KHDRBS3: variants seen among roughly 807,000 people sequenced by gnomAD.
KHDRBS3 encodes the protein KH domain-containing, RNA-binding, signal transduction-associated protein 3.
Under a neutral mutation model 45.6 loss-of-function variants are expected in KHDRBS3, and 23 were observed. The observed-to-expected ratio is 0.50, with a 90% CI of 0.36 to 0.72. The LOEUF (loss-of-function observed/expected upper bound fraction) is 0.72. Among genes scored for constraint, KHDRBS3 ranks in the 30% least tolerant of loss-of-function variants. KHDRBS3 has a pLI of 0.00. For missense variants in KHDRBS3, 352 were observed against 424.8 expected (o/e 0.83, Z 1.51); for synonymous variants, 162 against 156.5 (o/e 1.04, Z -0.26).
chr8:135,548,841 G>T lies in KHDRBS3; in HGVS notation c.412G>T (p.Ala138Ser). 1 of 1,604,622 alleles carries T rather than the reference G, an allele frequency of 6.2e-7. No individual in the cohort carries two copies. The highest frequency in any genetic ancestry group is 8.5e-7 in the Non-Finnish European group (1 of 1,175,152). Residue 138 changes from alanine (A) to serine (S), a missense_variant, in exon 4 of 9, where the codon GCA becomes TCA. By Grantham distance (99) the Ala-to-Ser change is moderately conservative. Coordinates refer to ENST00000355849, the MANE Select transcript of KHDRBS3 (RefSeq NM_006558.3). ...TCTCATTGAAGTGTTTGCCCCACCT[G>T]CAGAAGCTTATGCCAGGATGGGACA... The part of the protein sequence containing the change: ...HVLIEVFAPP[A>S]EAYARMGHAL...
At chr8:135,586,037 C>A (rs888821561) in intron 6 of KHDRBS3, among the ~76,000 whole-genome samples, 2 of 152,014 alleles carry the variant, frequency 1.3e-5, no homozygotes, top group Non-Finnish European at 2.9e-5. Flanking sequence ...TTTGTTAGCT[C>A]CTGAAGGAAA....
chr8:135,557,612 T>A (rs761864910), intron 5 of KHDRBS3, 25 bp downstream of exon 5: 80 of 1,576,760 alleles, frequency 5.1e-5, no homozygotes, highest in Admixed American at 1.4e-4. Flanking sequence ...TTTTTTAGGT[T>A]AACATACCGT....
chr8:135,526,180 T>A (rs1028333670), intron 2 of KHDRBS3, among the ~76,000 whole-genome samples: 11 of 152,046 alleles, frequency 7.2e-5, no homozygotes, highest in Non-Finnish European at 1.6e-4. Context: ...AATGAGGAAA[T>A]CACCTGACAA....
At chr8:135,555,758 A>T (rs1410293338) in intron 4 of KHDRBS3, among the ~76,000 whole-genome samples, 1 of 152,028 alleles carries the variant, frequency 6.6e-6, no homozygotes, top group Non-Finnish European at 1.5e-5. Context: ...TTTTTATTAT[A>T]CTTTAAGTTC....
At chr8:135,640,391 G>C (rs1476968898) in intron 7 of KHDRBS3, among the ~76,000 whole-genome samples, 1 of 152,086 alleles carries the variant, frequency 6.6e-6, no homozygotes, top group Non-Finnish European at 1.5e-5. Context: ...GGGGAAGGTC[G>C]ACTTCATCCC....
At chr8:135,605,144 G>C (rs1300496481) in intron 6 of KHDRBS3, among the ~76,000 whole-genome samples, 1 of 151,970 alleles carries the variant, frequency 6.6e-6, no homozygotes, top group East Asian at 1.9e-4. Context: ...GGAGATTATT[G>C]AGCTTCTTGG....
chr8:135,616,036 A>C (rs182226015), intron 7 of KHDRBS3, among the ~76,000 whole-genome samples: 1 of 152,348 alleles, frequency 6.6e-6, no homozygotes, highest in Admixed American at 6.5e-5. Flanking sequence ...AAAAAGGAAA[A>C]TGTTTTTCAA....
intron 6 of KHDRBS3, among the ~76,000 whole-genome samples, chr8:135,585,240 A>AG (rs1193534738): frequency 6.6e-6 from 1 of 151,578 alleles, no homozygotes; most frequent in East Asian, 1.9e-4. Context: ...AAAAAAAAAA[A>AG]AAAAAAAGAA....
intron 5 of KHDRBS3, among the ~76,000 whole-genome samples, chr8:135,557,852 T>A (rs1826967285): frequency 6.6e-6 from 1 of 152,158 alleles, no homozygotes; most frequent in Non-Finnish European, 1.5e-5. Context: ...AATCATAACT[T>A]TTTTAAGCCT....
chr8:135,491,355 T>C (rs1024610549), intron 1 of KHDRBS3, among the ~76,000 whole-genome samples: 1 of 151,682 alleles, frequency 6.6e-6, no homozygotes, highest in Admixed American at 6.6e-5. Flanking sequence ...GTTAGGTACC[T>C]AAGGAGGGAA....
At chr8:135,610,614 C>A (rs1271725180) in intron 7 of KHDRBS3, among the ~76,000 whole-genome samples, 1 of 151,766 alleles carries the variant, frequency 6.6e-6, no homozygotes, top group Non-Finnish European at 1.5e-5. Flanking sequence ...TTATCGTGAG[C>A]GGTCTGAGGA....
chr8:135,641,711 C>T (rs891624773), intron 7 of KHDRBS3, among the ~76,000 whole-genome samples: 2 of 152,222 alleles, frequency 1.3e-5, no homozygotes, highest in African/African-American at 4.8e-5. Flanking sequence ...GCCACACTCC[C>T]AAGGTGGCAC....
chr8:135,559,713 T>C (rs1827078013), intron 5 of KHDRBS3, among the ~76,000 whole-genome samples: 1 of 152,182 alleles, frequency 6.6e-6, no homozygotes, highest in African/African-American at 2.4e-5. Context: ...TATCCCTACA[T>C]TACCAGTTTA....
At chr8:135,504,610 C>T (rs991417246) in intron 1 of KHDRBS3, among the ~76,000 whole-genome samples, 1 of 152,172 alleles carries the variant, frequency 6.6e-6, no homozygotes, top group Non-Finnish European at 1.5e-5. Flanking sequence ...TAAACACTTT[C>T]CCTCTGAATA....
intron 2 of KHDRBS3, among the ~76,000 whole-genome samples, chr8:135,526,216 CATT>C (rs1175913501): frequency 1.3e-5 from 2 of 151,984 alleles, no homozygotes; most frequent in Admixed American, 6.6e-5. Flanking sequence ...GTGTTCACAT[CATT>C]ATTGACTCAT....
intron 1 of KHDRBS3, among the ~76,000 whole-genome samples, chr8:135,478,600 T>A (rs1822412912): frequency 6.6e-6 from 1 of 152,004 alleles, no homozygotes; most frequent in Non-Finnish European, 1.5e-5. Flanking sequence ...CCTCAGTGAG[T>A]TTTAAAGGAT....
At chr8:135,528,211 A>G (rs537635189) in intron 2 of KHDRBS3, among the ~76,000 whole-genome samples, 3 of 152,334 alleles carry the variant, frequency 2.0e-5, no homozygotes, top group Admixed American at 6.5e-5. Flanking sequence ...GGAATGTGAT[A>G]TATTTGTTCT....
chr8:135,501,886 G>A (rs55848923), intron 1 of KHDRBS3, among the ~76,000 whole-genome samples: 15,845 of 152,024 alleles, frequency 0.1, 906 homozygotes, highest in East Asian at 0.19. Context: ...GCCTTATAAC[G>A]TATGAATTCT....
chr8:135,620,548 T>G (rs1214639687), intron 7 of KHDRBS3, among the ~76,000 whole-genome samples: 1 of 152,228 alleles, frequency 6.6e-6, no homozygotes, highest in African/African-American at 2.4e-5. Flanking sequence ...GGCTAACTTG[T>G]GAAAGTACAT....
Sources: allele counts gnomAD v4.1 joint callset (sites outside exome capture counted in the v4.1 genomes callset), GRCh38; gene constraint gnomAD v4.1.1; transcripts MANE v1.5; gene names NCBI Gene and HGNC (gene_info 2026-07-23, HGNC 2026-07-21).